Variants in YLPM1 observed in about 807,000 individuals in gnomAD.
The protein encoded by YLPM1 is YLP motif containing 1.
A neutral mutation model predicts 230.0 loss-of-function variants in YLPM1; 99 were observed. The observed-to-expected ratio is 0.43, with a 90% CI of 0.37 to 0.51. YLPM1 has a LOEUF of 0.51. Ranked by LOEUF, YLPM1 falls within the 20% of genes least tolerant of loss-of-function variation. YLPM1 has a pLI of 0.00. For missense variants in YLPM1, 2,592 were observed against 2,707.7 expected (o/e 0.96, Z 0.95); for synonymous variants, 984 against 942.5 (o/e 1.04, Z -0.81).
chr14:74,815,418 C>T (rs748169814), intron 11 of YLPM1, among the ~76,000 whole-genome samples: 14 of 151,892 alleles, frequency 9.2e-5, no homozygotes, highest in East Asian at 1.9e-4. Context: ...AAAAATTAGG[C>T]GGGCGTGGTG....
rs763699492 is a variant in YLPM1 at position 74,781,821 on chromosome 14, C to T, written c.1778C>T (p.Pro593Leu). ...GCAGGGCCACCACCAGTTCTCCCCC[C>T]ACCTTCCCTGTCTTCTGCAGGGCCA... The part of the protein sequence containing the change: ...SSAGPPPVLP[P>L]PSLSSAGPPP... The change falls in exon 4 of 21, where the codon CCA becomes CTA. Residue 593 changes from proline to leucine, a missense_variant. By Grantham distance (98) the Pro-to-Leu change is moderately conservative. This residue lies in a region of YLPM1 where 1,862 missense variants were observed against 1,819.8 expected (regional missense o/e 1.02). Coordinates refer to ENST00000325680, the MANE Select transcript of YLPM1 (RefSeq NM_019589.3). The T allele has an allele frequency of 1.1e-5, 17 of 1,612,324 alleles. No individual in the cohort carries two copies. Among genetic ancestry groups the T allele is most frequent in the South Asian group, 5.5e-5 (5 of 90,868 alleles).
chr14:74,768,590 G>A (rs1220829748), intron 1 of YLPM1, among the ~76,000 whole-genome samples: 2 of 152,106 alleles, frequency 1.3e-5, no homozygotes, highest in East Asian at 3.8e-4. Context: ...TGTGTTTAAA[G>A]GACTGATTTA....
chr14:74,778,717 A>C (rs762564202), intron 2 of YLPM1, 34 bp downstream of exon 2: 1 of 1,508,210 alleles, frequency 6.6e-7, no homozygotes, highest in African/African-American at 1.4e-5. Context: ...TGTTTATTAA[A>C]TTATTTAGCT....
chr14:74,816,774 G>T, intron 13 of YLPM1, 84 bp downstream of exon 13: 1 of 1,493,284 alleles, frequency 6.7e-7, no homozygotes. Context: ...TGGCTTTTTT[G>T]AGGGCAGGGA....
intron 6 of YLPM1, among the ~76,000 whole-genome samples, chr14:74,805,930 T>C (rs2091374033): frequency 1.3e-5 from 2 of 150,410 alleles, no homozygotes; most frequent in South Asian, 4.2e-4. Context: ...GGTTTTGAAC[T>C]CCTGACCTCA....
intron 3 of YLPM1, 100 bp downstream of exon 3, chr14:74,780,684 T>G: frequency 6.7e-7 from 1 of 1,486,270 alleles, no homozygotes; most frequent in Non-Finnish European, 9.0e-7. Flanking sequence ...AGATACCAAC[T>G]GTTGACAATT....
intron 16 of YLPM1, among the ~76,000 whole-genome samples, chr14:74,819,975 C>T (rs1026438088): frequency 6.6e-6 from 1 of 152,130 alleles, no homozygotes; most frequent in Admixed American, 6.5e-5. Context: ...TTGTCACTTA[C>T]GTGCCATTAA....
intron 15 of YLPM1, among the ~76,000 whole-genome samples, chr14:74,817,783 G>C (rs1467738122): frequency 2.0e-5 from 3 of 151,956 alleles, no homozygotes; most frequent in Non-Finnish European, 4.4e-5. Flanking sequence ...GGCCTGGCAT[G>C]GTGGCTTAGG....
Position 74,829,207 on chromosome 14 carries a change from C to T in YLPM1, c.6164-6C>T. On this transcript the variant is annotated splice_polypyrimidine_tract_variant and splice_region_variant and intron_variant, in intron 18 of 20. Coordinates refer to ENST00000325680, the MANE Select transcript of YLPM1 (RefSeq NM_019589.3). The stretch of plus-strand genomic sequence containing the variant: ...TTAATGCTACGGCTCTGTGTTTGTC[C>T]CTCAGACAAGTTGGATGGCTTGAGG... 1 of 1,612,734 alleles carries T rather than the reference C, an allele frequency of 6.2e-7. No individual in the cohort carries two copies. The highest frequency in any genetic ancestry group is 8.5e-7 in the Non-Finnish European group (1 of 1,179,074).
chr14:74,798,607 G>A lies in YLPM1; in HGVS notation c.3310G>A (p.Gly1104Ser). The A allele has an allele frequency of 6.2e-7, 1 of 1,612,682 alleles. No individual in the cohort carries two copies. Among genetic ancestry groups the A allele is most frequent in the Non-Finnish European group, 8.5e-7 (1 of 1,179,066 alleles). The change falls in exon 5 of 21, where the codon GGT becomes AGT. Residue 1104 changes from glycine to serine, a missense_variant. Physicochemically the swap from Gly to Ser is moderately conservative, Grantham distance 56 (BLOSUM62 0). Around this residue, in one of 4 missense-constraint regions of YLPM1, gnomAD observed 1,862 missense variants for 1,819.8 expected, o/e 1.02. Transcript: ENST00000325680. ...PGGLQGSQDR[G>S]AAGSRERGPP... ...TGGTCTTCAAGGGAGCCAGGACAGG[G>A]GTGCAGCTGGCAGCCGAGAAAGGGG...
At position 74,798,849 on chromosome 14, in the gene YLPM1, C is replaced by T. The variant is rs2091292852; in HGVS notation, c.3552C>T (p.His1184=). 1 of 1,613,748 alleles carries T rather than the reference C, an allele frequency of 6.2e-7. No individual in the cohort carries two copies. The highest frequency in any genetic ancestry group is 1.1e-5 in the South Asian group (1 of 91,074). ...GDGGEKMYPY[H]RDEPPRAPWN... ...GTGGGGAAAAAATGTATCCATATCA[C>T]CGGGATGAGCCTCCTAGGGCTCCAT... The change falls in exon 5 of 21, where the codon CAC becomes CAT. Residue 1184 remains histidine, a synonymous_variant. Coordinates refer to ENST00000325680, the MANE Select transcript of YLPM1 (RefSeq NM_019589.3).
At position 74,763,534 on chromosome 14, in the gene YLPM1, G is replaced by T; in HGVS notation, c.45G>T (p.Pro15=). ...GGTATGGCGGGAGCAGCCACTATCC[G>T]CCGCCACCGGTCCCACCGCCGCCGC... is the stretch of plus-strand genomic sequence containing the variant. ...WGRYGGSSHY[P]PPPVPPPPPV... is the part of the protein sequence containing the mutation. The change falls in exon 1 of 21, where the codon CCG becomes CCT. Residue 15 remains proline (P), a synonymous_variant. Coordinates refer to ENST00000325680, the MANE Select transcript of YLPM1 (RefSeq NM_019589.3). 1 of 1,501,206 alleles carries T rather than the reference G, an allele frequency of 6.7e-7. No individual in the cohort carries two copies. Among genetic ancestry groups the T allele is most frequent in the Non-Finnish European group, 8.9e-7 (1 of 1,122,128 alleles). The allele number at this position is 1,501,206 out of a possible 1,614,324, so 93.0% of individuals were successfully genotyped here. A position where few individuals can be genotyped will look rare whatever the true frequency, so the allele number is the denominator to read the frequency against.
In YLPM1 at chr14:74,797,843, A is replaced by G. The variant is rs747671560; in HGVS notation, c.2546A>G (p.Gln849Arg). The change falls in exon 5 of 21, where the codon CAG becomes CGG. Residue 849 changes from glutamine to arginine, a missense_variant. Physicochemically the swap from Gln to Arg is conservative, Grantham distance 43 (BLOSUM62 1). Coordinates refer to ENST00000325680, the MANE Select transcript of YLPM1 (RefSeq NM_019589.3). ...GPKPAFGQQH[Q>R]QQPKSQAEPL... ...AAACCAGCTTTTGGACAGCAGCATC[A>G]GCAGCAACCTAAGTCACAAGCAGAA... is the stretch of plus-strand genomic sequence containing the variant. The G allele has an allele frequency of 9.9e-6, 16 of 1,613,880 alleles. No homozygotes were observed. Among genetic ancestry groups the G allele is most frequent in the Non-Finnish European group, 1.2e-5 (14 of 1,179,890 alleles).
intron 6 of YLPM1, 43 bp from the exon 7 acceptor site, chr14:74,809,337 T>G (rs1468695905): frequency 1.3e-6 from 2 of 1,545,042 alleles, no homozygotes; most frequent in Non-Finnish European, 1.7e-6. Flanking sequence ...TATAAAAACA[T>G]AGTGGTATAC....
intron 5 of YLPM1, among the ~76,000 whole-genome samples, chr14:74,801,943 G>A (rs111831593): frequency 3.0e-4 from 45 of 152,300 alleles, no homozygotes; most frequent in Admixed American, 1.5e-3. Context: ...TAGGCCGGGC[G>A]TGGTGGCTTA....
chr14:74,793,895 AC>A (rs925800780), intron 4 of YLPM1, among the ~76,000 whole-genome samples: 19 of 151,744 alleles, frequency 1.3e-4, no homozygotes, highest in African/African-American at 4.4e-4. Flanking sequence ...CTTCCCTAGC[AC>A]CCCCTAGTGT....
Position 74,835,347 on chromosome 14 carries a change from A to G in YLPM1, c.6377A>G (p.Glu2126Gly). ...IGFVVGQTDW[E>G]KITDESGHLA... ...TTTGTGGTCGGACAGACTGATTGGG[A>G]GAAGATCACAGATGAAAGTGGTCAC... The change falls in exon 20 of 21, where the codon GAG becomes GGG. Residue 2126 changes from glutamate to glycine, a missense_variant. Coordinates refer to ENST00000325680, the MANE Select transcript of YLPM1 (RefSeq NM_019589.3). 1 of 1,613,740 alleles carries G rather than the reference A, an allele frequency of 6.2e-7. No individual in the cohort carries two copies. The highest frequency in any genetic ancestry group is 1.1e-5 in the South Asian group (1 of 91,084).
chr14:74,810,715 TTTTA>T (rs1374034004), intron 9 of YLPM1, among the ~76,000 whole-genome samples: 4 of 131,158 alleles, frequency 3.0e-5, no homozygotes, highest in Non-Finnish European at 6.1e-5. Context: ...TTCATGAGCT[TTTTA>T]TTTATTATTA....
At chr14:74,829,078 G>T in intron 18 of YLPM1, 135 bp from the exon 19 acceptor site, 1 of 948,338 alleles carries the variant, frequency 1.1e-6, no homozygotes, top group East Asian at 2.7e-5. Context: ...AGATAGTTTG[G>T]ATCTGCAAGT....
Sources: gnomAD v4.1 joint callset for allele counts (sites outside exome capture counted in the v4.1 genomes callset) on GRCh38, gnomAD v4.1.1 for gene constraint, gnomAD v4.1.1 regional missense constraint, MANE v1.5 for transcripts, NCBI Gene and HGNC (gene_info 2026-07-23, HGNC 2026-07-21) for gene names.